The following TRIM44 variants were observed in gnomAD, a reference collection of about 807,000 sequenced individuals.
TRIM44 encodes the protein tripartite motif-containing protein 44.
A neutral mutation model predicts 37.4 loss-of-function variants in TRIM44; 13 were observed. That is an observed-to-expected ratio of 0.35 (90% CI 0.23 to 0.55). TRIM44 has a LOEUF of 0.55. Among genes scored for constraint, TRIM44 ranks in the 20% least tolerant of loss-of-function variants. The probability of loss-of-function intolerance (pLI) is 0.89; values close to 1 mark genes in which losing one functional copy is unlikely to be tolerated. For synonymous variants in TRIM44, 175 were observed against 157.2 expected (o/e 1.11, Z -0.85); for missense variants, 426 against 437.2 (o/e 0.97, Z 0.23).
At chr11:35,751,552 G>A (rs1288198504) in intron 4 of TRIM44, among the ~76,000 whole-genome samples, 1 of 152,182 alleles carries the variant, frequency 6.6e-6, no homozygotes, top group African/African-American at 2.4e-5. Flanking sequence ...TCATATAGGA[G>A]CAGTAGTACC....
intron 2 of TRIM44, among the ~76,000 whole-genome samples, chr11:35,703,379 C>T (rs1851824373): frequency 6.6e-6 from 1 of 152,162 alleles, no homozygotes; most frequent in African/African-American, 2.4e-5. Context: ...CTTAAATATC[C>T]CTGTCTTTGA....
At chr11:35,720,112 G>A (rs1252965339) in intron 2 of TRIM44, among the ~76,000 whole-genome samples, 1 of 152,176 alleles carries the variant, frequency 6.6e-6, no homozygotes, top group Non-Finnish European at 1.5e-5. Flanking sequence ...TTGTTAATCT[G>A]TAGATCAACT....
chr11:35,675,425 A>G (rs1851449089), intron 1 of TRIM44, among the ~76,000 whole-genome samples: 1 of 152,220 alleles, frequency 6.6e-6, no homozygotes, highest in Non-Finnish European at 1.5e-5. Context: ...TGAAGTTACC[A>G]GAAATCTAGG....
intron 2 of TRIM44, among the ~76,000 whole-genome samples, chr11:35,714,548 G>C (rs1852015880): frequency 6.6e-6 from 1 of 152,136 alleles, no homozygotes; most frequent in Non-Finnish European, 1.5e-5. Flanking sequence ...ATTTGTGGCA[G>C]TATGCAGTTG....
At position 35,815,144 on chromosome 11, in the gene TRIM44, A is replaced by G. The variant is rs1305490566; in HGVS notation, c.*8759A>G. The G allele has an allele frequency of 6.6e-6, 1 of 151,934 alleles. No homozygotes were observed. The highest frequency in any genetic ancestry group is 2.4e-5 in the African/African-American group (1 of 41,232). The allele number at this position is 151,934 out of a possible 1,614,324, so 9.4% of individuals were successfully genotyped here. ...TCCCAGGCCAGGAGATCAAATTAAG[A>G]GGAGGTTAGCTACTTTCCCTGGCTC... On this transcript the variant is annotated 3_prime_UTR_variant, in exon 5 of 5. Transcript: ENST00000299413.
chr11:35,748,625 T>C (rs1169101301), intron 4 of TRIM44, among the ~76,000 whole-genome samples: 1 of 152,264 alleles, frequency 6.6e-6, no homozygotes, highest in Non-Finnish European at 1.5e-5. Flanking sequence ...GGTCCCAATC[T>C]ACAACAAAAT....
At position 35,734,891 on chromosome 11, in the gene TRIM44, C is replaced by T. The variant is rs552550080; in HGVS notation, c.988-535C>T. ...AGATTAATTAATGTTTGCCCAAGGA[C>T]ACATAACTAATAAGTAACAGAGCTT... On this transcript the variant is annotated intron_variant, in intron 3 of 4. Coordinates refer to ENST00000299413, the MANE Select transcript of TRIM44 (RefSeq NM_017583.6). Among the ~76,000 whole-genome samples, 10 of 152,308 alleles carry T rather than the reference C, an allele frequency of 6.6e-5. No individual in the cohort carries two copies. The South Asian group carries it at 2.1e-3, about 32-fold the overall frequency.
At chr11:35,724,768 A>G (rs548985779) in intron 2 of TRIM44, among the ~76,000 whole-genome samples, 1 of 152,326 alleles carries the variant, frequency 6.6e-6, no homozygotes, top group Non-Finnish European at 1.5e-5. Flanking sequence ...TAAAAGTTTA[A>G]AAGCTTGATA....
rs538858789 is a variant in TRIM44 at position 35,727,797 on chromosome 11, A to G, written c.987+1634A>G. ...TCAGTGCCTGTGCTTTCCCCCTACT[A>G]TAAGACATATGCTAAGCATCCCATC... On this transcript the variant is annotated intron_variant, in intron 3 of 4. Coordinates refer to ENST00000299413, the MANE Select transcript of TRIM44 (RefSeq NM_017583.6). 5.9e-5 allele frequency among the ~76,000 whole-genome samples: 9 copies of G among 152,324 alleles called. No individual in the cohort carries two copies. In the South Asian group the frequency reaches 1.9e-3, roughly 32 times the overall value.
In TRIM44 at chr11:35,809,692, A is replaced by G. The variant is rs994389844; in HGVS notation, c.*3307A>G. ...AATGTCTGCAGCTTCACTCCTGTAG[A>G]AAAGGAAATCTTCATATTTTAGTAA... On this transcript the variant is annotated 3_prime_UTR_variant, in exon 5 of 5. Transcript: ENST00000299413. The G allele has an allele frequency of 6.6e-6, 1 of 152,176 alleles. No individual in the cohort carries two copies. Among genetic ancestry groups the G allele is most frequent in the Non-Finnish European group, 1.5e-5 (1 of 68,036 alleles). 9.4% of individuals were successfully genotyped at this position (152,176 alleles called of 1,614,324 possible).
In TRIM44 at chr11:35,762,817, AAACTATTTAAACTAAGGAGTTT is replaced by A. The variant is rs1229102656; in HGVS notation, c.1007+27386_1007+27407del. On this transcript the variant is annotated intron_variant, in intron 4 of 4. Transcript: ENST00000299413. ...CTTTAGACCTACTATTTAACTATTT[AAACTATTTAAACTAAGGAGTTT>A]AACTATTTAAACTCCTTAGGCCTTA... is the stretch of plus-strand genomic sequence containing the variant. Among the ~76,000 whole-genome samples, 11 of 152,150 alleles carry A rather than the reference AAACTATTTAAACTAAGGAGTTT, an allele frequency of 7.2e-5. No homozygotes were observed. In the East Asian group the frequency reaches 7.7e-4, roughly 11 times the overall value.
chr11:35,716,259 G>A (rs1429813073), intron 2 of TRIM44, among the ~76,000 whole-genome samples: 1 of 152,144 alleles, frequency 6.6e-6, no homozygotes, highest in East Asian at 1.9e-4. Context: ...ACAGAAAGCT[G>A]ATCAAGAACA....
At chr11:35,665,583 TCTG>T (rs1453821225) in intron 1 of TRIM44, among the ~76,000 whole-genome samples, 2 of 116,876 alleles carry the variant, frequency 1.7e-5, no homozygotes, top group African/African-American at 2.8e-5. Flanking sequence ...TTTTTATATA[TCTG>T]TTTTTTTTTT....
In TRIM44 at chr11:35,807,329, C is replaced by G. The variant is rs1853465069; in HGVS notation, c.*944C>G. On this transcript the variant is annotated 3_prime_UTR_variant, in exon 5 of 5. Transcript: ENST00000299413. ...TAAACGCAGTATGGGGAGAATTGTT[C>G]CCATTCCATGTGTTCTGAATTCAGC... 2 of 152,104 alleles carry G rather than the reference C, an allele frequency of 1.3e-5. No individual in the cohort carries two copies. The highest frequency in any genetic ancestry group is 2.9e-5 in the Non-Finnish European group (2 of 68,018). 9.4% of individuals were successfully genotyped at this position (152,104 alleles called of 1,614,324 possible).
intron 4 of TRIM44, among the ~76,000 whole-genome samples, chr11:35,747,498 A>C (rs1852505821): frequency 1.3e-5 from 2 of 152,224 alleles, no homozygotes; most frequent in African/African-American, 4.8e-5. Context: ...CCTTTGTCAG[A>C]AGATGGAAGA....
chr11:35,799,103 C>T (rs943784785), intron 4 of TRIM44, among the ~76,000 whole-genome samples: 2 of 152,238 alleles, frequency 1.3e-5, no homozygotes, highest in African/African-American at 2.4e-5. Flanking sequence ...GCAGATGGGA[C>T]ACTGGCAACC....
At chr11:35,746,729 A>G (rs1014066718) in intron 4 of TRIM44, among the ~76,000 whole-genome samples, 1 of 152,206 alleles carries the variant, frequency 6.6e-6, no homozygotes, top group Admixed American at 6.5e-5. Flanking sequence ...TTTACAAACC[A>G]TGAGGCAAAT....
At chr11:35,691,987 G>A (rs949047179) in intron 2 of TRIM44, among the ~76,000 whole-genome samples, 3 of 152,132 alleles carry the variant, frequency 2.0e-5, no homozygotes, top group Non-Finnish European at 2.9e-5. Flanking sequence ...TAGTTGTATA[G>A]GTACTTGAAG....
chr11:35,755,866 C>T (rs1166131621), intron 4 of TRIM44, among the ~76,000 whole-genome samples: 2 of 152,114 alleles, frequency 1.3e-5, no homozygotes, highest in Non-Finnish European at 2.9e-5. Flanking sequence ...TGGTCTATAT[C>T]TCTGTTTTGG....
Sources: allele counts gnomAD v4.1 joint callset (sites outside exome capture counted in the v4.1 genomes callset), GRCh38; gene constraint gnomAD v4.1.1; transcripts MANE v1.5; gene names NCBI Gene and HGNC (gene_info 2026-07-23, HGNC 2026-07-21).